HGF: variants seen among roughly 807,000 people sequenced by gnomAD.
The protein encoded by HGF is fibroblast-derived tumor cytotoxic factor.
Under a neutral mutation model 111.6 loss-of-function variants are expected in HGF, and 39 were observed. That is an observed-to-expected ratio of 0.35 (90% CI 0.27 to 0.46). The LOEUF is 0.46. Ranked by LOEUF, HGF falls within the 20% of genes least tolerant of loss-of-function variation. The pLI, the probability that HGF is intolerant of heterozygous loss-of-function variation, is 1.00. For missense variants in HGF, 735 were observed against 910.5 expected, an observed-to-expected ratio of 0.81 and a Z score of 2.48; for synonymous variants, 285 against 294.8, an observed-to-expected ratio of 0.97 and a Z score of 0.34.
At chr7:81,735,139 G>A (rs1370357502) in intron 7 of HGF, among the ~76,000 whole-genome samples, 1 of 152,084 alleles carries the variant, frequency 6.6e-6, no homozygotes, top group East Asian at 1.9e-4. Context: ...TAAATTTAAA[G>A]AGCTTCTTGT....
intron 7 of HGF, among the ~76,000 whole-genome samples, chr7:81,736,977 G>T (rs892236123): frequency 4.0e-5 from 6 of 148,308 alleles, no homozygotes; most frequent in Non-Finnish European, 9.0e-5. Flanking sequence ...ATTCTCTTTT[G>T]CAGGGAAAAA....
At chr7:81,751,793 T>C (rs1788517710) in intron 5 of HGF, 3 of 1,136,808 alleles carry the variant, frequency 2.6e-6, no homozygotes, top group Non-Finnish European at 3.3e-6. Context: ...TTCAACTCCT[T>C]TCAGGTGCCA....
chr7:81,745,683 C>T (rs1788211277), intron 5 of HGF, among the ~76,000 whole-genome samples: 1 of 152,198 alleles, frequency 6.6e-6, no homozygotes, highest in Admixed American at 6.5e-5. Flanking sequence ...ATCACAGCTC[C>T]TTTCTGTTAG....
At position 81,701,261 on chromosome 7, in the gene HGF, A is replaced by G; in HGVS notation, c.*1320T>C. 1 of 151,422 alleles carries G rather than the reference A, an allele frequency of 6.6e-6. No homozygotes were observed. Among genetic ancestry groups the G allele is most frequent in the East Asian group, 1.9e-4 (1 of 5,164 alleles). The allele number at this position is 151,422 out of a possible 1,614,324, so 9.4% of individuals were successfully genotyped here. Reference sequence around the variant, plus strand: ...ATATCTTGATAAAATATCTGATTCAACAGATTCCACTCTACTTCAAAAAAA... The same window carrying G: ...ATATCTTGATAAAATATCTGATTCAGCAGATTCCACTCTACTTCAAAAAAA... On this transcript the variant is annotated 3_prime_UTR_variant, in exon 18 of 18. Coordinates refer to ENST00000222390, the MANE Select transcript of HGF (RefSeq NM_000601.6).
chr7:81,765,353 C>T (rs1368371263), intron 1 of HGF, among the ~76,000 whole-genome samples: 1 of 151,972 alleles, frequency 6.6e-6, no homozygotes, highest in African/African-American at 2.4e-5. Flanking sequence ...TTTGTTGTAC[C>T]TCACAAAAAC....
intron 5 of HGF, among the ~76,000 whole-genome samples, chr7:81,748,404 C>T (rs925770652): frequency 1.3e-5 from 2 of 152,138 alleles, no homozygotes; most frequent in Non-Finnish European, 2.9e-5. Context: ...TGTTTTACCA[C>T]GGAATCAAGC....
At chr7:81,732,494 T>A (rs1215074330) in intron 7 of HGF, among the ~76,000 whole-genome samples, 1 of 152,122 alleles carries the variant, frequency 6.6e-6, no homozygotes, top group Non-Finnish European at 1.5e-5. Context: ...ATGTTATTAG[T>A]CAAGGGTGAT....
intron 15 of HGF, 71 bp from the exon 16 acceptor site, chr7:81,705,824 T>C: frequency 1.1e-6 from 1 of 926,590 alleles, no homozygotes; most frequent in Non-Finnish European, 1.8e-6. Flanking sequence ...TTAAATGTAG[T>C]GTTCATGTTT....
At chr7:81,763,625 C>G (rs560576965) in intron 1 of HGF, among the ~76,000 whole-genome samples, 1 of 152,120 alleles carries the variant, frequency 6.6e-6, no homozygotes, top group Non-Finnish European at 1.5e-5. Context: ...TTCTAAAAGA[C>G]CTAATCTTAT....
chr7:81,714,068 T>G (rs1789647182), intron 11 of HGF, among the ~76,000 whole-genome samples: 1 of 150,922 alleles, frequency 6.6e-6, no homozygotes, highest in African/African-American at 2.4e-5. Context: ...TCTGAAAACA[T>G]AAAGAAAACT....
intron 8 of HGF, among the ~76,000 whole-genome samples, chr7:81,727,197 C>T (rs181587324): frequency 0.012 from 1,385 of 117,986 alleles, 28 homozygotes; most frequent in African/African-American, 0.044. Flanking sequence ...CCTGCCACCA[C>T]GCCCGGCTAA....
intron 7 of HGF, among the ~76,000 whole-genome samples, chr7:81,734,151 T>TC (rs1787752094): frequency 6.6e-6 from 1 of 152,040 alleles, no homozygotes; most frequent in Admixed American, 6.6e-5. Flanking sequence ...AAATACAGCA[T>TC]CCCCCCATAC....
rs919180303 is a variant in HGF at position 81,726,255 on chromosome 7, C to G, written c.1041-238G>C. Among the ~76,000 whole-genome samples the G allele has an allele frequency of 1.2e-4, 18 of 152,166 alleles. 1 individual carries two copies. The highest frequency in any genetic ancestry group is 1.1e-3 in the Admixed American group (17 of 15,280). Reference sequence around the variant, plus strand: ...TTTTCCTTCCACAGGCCTAGAGTTTCACCCAAACATTACTGCTTCATAAAA... The same window carrying G: ...TTTTCCTTCCACAGGCCTAGAGTTTGACCCAAACATTACTGCTTCATAAAA... On this transcript the variant is annotated intron_variant, in intron 8 of 17. Transcript: ENST00000222390.
At chr7:81,706,147 A>T in intron 15 of HGF, 140 bp downstream of exon 15, 1 of 768,994 alleles carries the variant, frequency 1.3e-6, no homozygotes, top group Non-Finnish European at 2.2e-6. Flanking sequence ...AAACGCACGC[A>T]TATATACATA....
intron 10 of HGF, among the ~76,000 whole-genome samples, chr7:81,717,904 G>C (rs1467534527): frequency 3.9e-5 from 6 of 151,954 alleles, no homozygotes; most frequent in Non-Finnish European, 1.5e-5. Flanking sequence ...TATTTTGACA[G>C]ATAACCGAGC....
rs1789278350 is a variant in HGF at position 81,701,507 on chromosome 7, T to C, written c.*1074A>G. ...TAAATTTTTTAAAATTTAAAGGCAG[T>C]GAGCTAGAAGCCAATCACAGCAGCA... is the stretch of plus-strand genomic sequence containing the variant. On this transcript the variant is annotated 3_prime_UTR_variant, in exon 18 of 18. Coordinates refer to ENST00000222390, the MANE Select transcript of HGF (RefSeq NM_000601.6). 6.6e-6 allele frequency: 1 copy of C among 151,614 alleles called. No homozygotes were observed. The highest frequency in any genetic ancestry group is 2.1e-4 in the South Asian group (1 of 4,834). The allele number at this position is 151,614 out of a possible 1,614,324, so 9.4% of individuals were successfully genotyped here.
chr7:81,721,560 T>C (rs1789865018), intron 9 of HGF, among the ~76,000 whole-genome samples: 1 of 152,230 alleles, frequency 6.6e-6, no homozygotes, highest in Non-Finnish European at 1.5e-5. Context: ...ATGTTTTGAT[T>C]TTTGTCTTTT....
chr7:81,703,590 A>G (rs1351034162), intron 17 of HGF, among the ~76,000 whole-genome samples: 1 of 149,682 alleles, frequency 6.7e-6, no homozygotes, highest in Non-Finnish European at 1.5e-5. Flanking sequence ...AATATATAAT[A>G]AGTAAATATA....
At chr7:81,744,782 A>G (rs1788161514) in intron 6 of HGF, among the ~76,000 whole-genome samples, 1 of 152,110 alleles carries the variant, frequency 6.6e-6, no homozygotes, top group Non-Finnish European at 1.5e-5. Context: ...GTTCTCATGT[A>G]CCTCATCATA....
Sources: allele counts gnomAD v4.1 joint callset (sites outside exome capture counted in the v4.1 genomes callset), GRCh38; gene constraint gnomAD v4.1.1; transcripts MANE v1.5; gene names NCBI Gene and HGNC (gene_info 2026-07-23, HGNC 2026-07-21).